Variants in CCDC3 observed in about 807,000 individuals in gnomAD.
CCDC3 encodes coiled-coil domain-containing protein 3.
A neutral mutation model predicts 21.4 loss-of-function variants in CCDC3; 24 were observed. The ratio of observed to expected loss-of-function variants is 1.12; its 90% CI spans 0.81 to 1.58. CCDC3 has a LOEUF of 1.58. Among genes scored for constraint, CCDC3 ranks in the 40% most tolerant of loss-of-function variants. The probability of loss-of-function intolerance (pLI) is 0.00; values close to 1 mark genes in which losing one functional copy is unlikely to be tolerated. For missense variants in CCDC3, 425 were observed against 360.9 expected, an observed-to-expected ratio of 1.18 and a Z score of -1.44; for synonymous variants, 186 against 166.0, an observed-to-expected ratio of 1.12 and a Z score of -0.93.
At chr10:12,997,389 C>G (rs1296712113) in intron 2 of CCDC3, among the ~76,000 whole-genome samples, 1 of 152,236 alleles carries the variant, frequency 6.6e-6, no homozygotes, top group East Asian at 1.9e-4. Flanking sequence ...GCCTGGCCCC[C>G]ACTATCATCC....
At position 13,001,300 on chromosome 10, in the gene CCDC3, G is replaced by T; in HGVS notation, c.271C>A (p.Leu91Met). 6.2e-7 allele frequency: 1 copy of T among 1,606,230 alleles called. No individual in the cohort carries two copies. Among genetic ancestry groups the T allele is most frequent in the Non-Finnish European group, 8.5e-7 (1 of 1,177,566 alleles). The change falls in exon 1 of 3, where the codon CTG becomes ATG. Residue 91 changes from leucine (L) to methionine (M), a missense_variant. Physicochemically the swap from Leu to Met is conservative, Grantham distance 15 (BLOSUM62 2). Coordinates refer to ENST00000378825, the MANE Select transcript of CCDC3 (RefSeq NM_031455.4). ...MLCDQAWGSM[L>M]EVPAGSRLNL... is the part of the protein sequence containing the mutation. ...AGCCTGGAGCCGGCGGGCACCTCCA[G>T]CATGCTGCCCCACGCCTGGTCGCAC...
At chr10:12,936,165 G>A (rs1028013625) in intron 2 of CCDC3, among the ~76,000 whole-genome samples, 6 of 152,020 alleles carry the variant, frequency 3.9e-5, no homozygotes, top group Admixed American at 2.0e-4. Flanking sequence ...ACGGTCCGAC[G>A]GTAATCTCAG....
At chr10:13,096,725 C>T (rs1338354533) in intron 3 of CCDC3, among the ~76,000 whole-genome samples, 1 of 152,150 alleles carries the variant, frequency 6.6e-6, no homozygotes, top group African/African-American at 2.4e-5. Flanking sequence ...GCAGAATCTG[C>T]GGGAGGTTCC....
intron 2 of CCDC3, among the ~76,000 whole-genome samples, chr10:12,982,103 CAGAG>C (rs372262143): frequency 9.5e-6 from 1 of 104,742 alleles, no homozygotes; most frequent in Non-Finnish European, 1.7e-5. Flanking sequence ...GCCTGGGAGA[CAGAG>C]AGAGACTCTG....
chr10:13,084,582 C>T (rs987156814), intron 3 of CCDC3, among the ~76,000 whole-genome samples: 41 of 152,282 alleles, frequency 2.7e-4, no homozygotes, highest in Admixed American at 2.0e-3. Flanking sequence ...CCACCGCGCC[C>T]GGCCCCACTT....
chr10:12,987,634 A>G (rs144961071), intron 2 of CCDC3, among the ~76,000 whole-genome samples: 153 of 152,286 alleles, frequency 1.0e-3, no homozygotes, highest in African/African-American at 3.5e-3. Flanking sequence ...CTGCCTTAAA[A>G]CTATTTTCAA....
intron 2 of CCDC3, among the ~76,000 whole-genome samples, chr10:12,989,237 C>G (rs1434274209): frequency 6.6e-6 from 1 of 152,206 alleles, no homozygotes; most frequent in African/African-American, 2.4e-5. Context: ...GGGCCACATA[C>G]TGAGGTCACA....
At chr10:13,008,196 C>A (rs1232224843) in intron 5 of CCDC3, among the ~76,000 whole-genome samples, 1 of 152,146 alleles carries the variant, frequency 6.6e-6, no homozygotes. Context: ...GGCATGCAGC[C>A]CAACATGGGT....
At chr10:12,930,848 G>A (rs1834628348) in intron 2 of CCDC3, among the ~76,000 whole-genome samples, 1 of 152,170 alleles carries the variant, frequency 6.6e-6, no homozygotes. Flanking sequence ...GGAGCATAGA[G>A]CACAGGAGGG....
At chr10:12,966,603 G>A (rs2580917) in intron 2 of CCDC3, among the ~76,000 whole-genome samples, 134,237 of 152,086 alleles carry the variant, frequency 0.88, 60,065 homozygotes, top group East Asian at 1. Context: ...CATCAGACAC[G>A]CCCCAGACAT....
intron 4 of CCDC3, among the ~76,000 whole-genome samples, chr10:13,055,752 T>C (rs182273622): frequency 1.5e-4 from 23 of 152,360 alleles, no homozygotes; most frequent in African/African-American, 5.5e-4. Context: ...TCCAAAATGC[T>C]TGGCAAATTC....
chr10:12,952,980 CAAAG>C (rs1835029383), intron 2 of CCDC3, among the ~76,000 whole-genome samples: 1 of 152,028 alleles, frequency 6.6e-6, no homozygotes, highest in African/African-American at 2.4e-5. Flanking sequence ...CAAAGAATAT[CAAAG>C]GAAGGAAGGG....
chr10:12,962,606 A>C (rs924416892), intron 2 of CCDC3, among the ~76,000 whole-genome samples: 1 of 152,210 alleles, frequency 6.6e-6, no homozygotes, highest in Non-Finnish European at 1.5e-5. Context: ...TGTCTCAAAA[A>C]ACAAAAATTT....
At chr10:13,042,709 C>A (rs558452568) in intron 5 of CCDC3, among the ~76,000 whole-genome samples, 1 of 151,292 alleles carries the variant, frequency 6.6e-6, no homozygotes, top group Admixed American at 6.6e-5. Flanking sequence ...GAGATCGAGA[C>A]CATCCTGGCT....
At chr10:12,969,739 T>G in intron 2 of CCDC3, among the ~76,000 whole-genome samples, 1 of 149,674 alleles carries the variant, frequency 6.7e-6, no homozygotes, top group Admixed American at 6.6e-5. Flanking sequence ...TATTCTAATA[T>G]TTTTAAAAAA....
chr10:12,943,740 A>G (rs944407402), intron 2 of CCDC3, among the ~76,000 whole-genome samples: 1 of 152,144 alleles, frequency 6.6e-6, no homozygotes, highest in African/African-American at 2.4e-5. Context: ...CGCCTCCCCA[A>G]GCTTGTCTAT....
At chr10:12,976,455 G>T (rs547127744) in intron 2 of CCDC3, among the ~76,000 whole-genome samples, 7 of 152,304 alleles carry the variant, frequency 4.6e-5, no homozygotes, top group African/African-American at 1.7e-4. Context: ...GCAGAGGGCT[G>T]AGGAGCTGGG....
At chr10:12,910,630 C>T (rs1255199141) in intron 2 of CCDC3, among the ~76,000 whole-genome samples, 2 of 102,978 alleles carry the variant, frequency 1.9e-5, no homozygotes, top group Non-Finnish European at 4.0e-5. Context: ...TTTTTTTTGA[C>T]ACAGAGTCTT....
chr10:12,986,159 A>G (rs1453094541), intron 2 of CCDC3, among the ~76,000 whole-genome samples: 1 of 152,330 alleles, frequency 6.6e-6, no homozygotes, highest in Non-Finnish European at 1.5e-5. Context: ...TGGTGCAAAA[A>G]GTAATTGCAG....
Sources: allele counts gnomAD v4.1 joint callset (sites outside exome capture counted in the v4.1 genomes callset), GRCh38; gene constraint gnomAD v4.1.1; transcripts MANE v1.5; gene names NCBI Gene and HGNC (gene_info 2026-07-23, HGNC 2026-07-21).